Variants in EEA1 observed in about 807,000 individuals in gnomAD.
The protein encoded by EEA1 is early endosome antigen 1, 162kD.
A neutral mutation model predicts 209.2 loss-of-function variants in EEA1; 111 were observed. That is an observed-to-expected ratio of 0.53 (90% CI 0.45 to 0.62). EEA1 has a LOEUF of 0.62. Ranked by LOEUF, EEA1 falls within the 20% of genes least tolerant of loss-of-function variation. The pLI is 0.00. For synonymous variants in EEA1, 536 were observed against 540.6 expected (o/e 0.99, Z 0.12); for missense variants, 1,343 against 1,530.8 (o/e 0.88, Z 2.05).
rs1334489864 is a variant in EEA1 at position 92,802,611 on chromosome 12, T to C, written c.2463A>G (p.Gln821=). The change falls in exon 19 of 29, where the codon CAA becomes CAG. Residue 821 remains glutamine, a synonymous_variant. Coordinates refer to ENST00000322349, the MANE Select transcript of EEA1 (RefSeq NM_003566.4). ...ILKQDFETLS[Q]ETKIQHEELN... ...ATTCCTCATGCTGAATCTTTGTTTCTTGACTTAAAGTTTCAAAATCTTGTT... is the reference window on the plus strand; with the variant it reads ...ATTCCTCATGCTGAATCTTTGTTTCCTGACTTAAAGTTTCAAAATCTTGTT... The C allele has an allele frequency of 6.2e-7, 1 of 1,604,142 alleles. No homozygotes were observed. The highest frequency in any genetic ancestry group is 1.7e-5 in the Admixed American group (1 of 57,442).
intron 2 of EEA1, chr12:92,879,201 A>ATTT (rs34766702): frequency 0.012 from 2,776 of 233,732 alleles, 19 homozygotes; most frequent in East Asian, 0.027. Flanking sequence ...TGGATTCTGG[A>ATTT]TTTTTTTTTT....
At chr12:92,876,830 C>CAAAAAAAAAA (rs200862903) in intron 2 of EEA1, among the ~76,000 whole-genome samples, 1 of 108,326 alleles carries the variant, frequency 9.2e-6, no homozygotes, top group Non-Finnish European at 1.9e-5. Context: ...AGCTGATCAC[C>CAAAAAAAAAA]AAAAAAAAAA....
At chr12:92,803,714 T>C (rs1330368194) in intron 18 of EEA1, among the ~76,000 whole-genome samples, 1 of 152,086 alleles carries the variant, frequency 6.6e-6, no homozygotes, top group Admixed American at 6.5e-5. Context: ...TCCTAAAAAA[T>C]AGCTGGAAAA....
intron 14 of EEA1, among the ~76,000 whole-genome samples, chr12:92,818,836 A>G (rs1334483405): frequency 6.6e-6 from 1 of 152,186 alleles, no homozygotes; most frequent in Non-Finnish European, 1.5e-5. Flanking sequence ...CAAAATTATT[A>G]TTGGCTATAC....
chr12:92,869,100 C>T (rs1450410537), intron 2 of EEA1, among the ~76,000 whole-genome samples: 3 of 152,118 alleles, frequency 2.0e-5, no homozygotes, highest in Admixed American at 2.0e-4. Context: ...GAACAGATCG[C>T]ATGACCTTTA....
At chr12:92,777,123 C>G (rs1873688555) in intron 27 of EEA1, among the ~76,000 whole-genome samples, 181 bp from the exon 28 acceptor site, 1 of 151,990 alleles carries the variant, frequency 6.6e-6, no homozygotes, top group African/African-American at 2.4e-5. Flanking sequence ...ACTCATAAAT[C>G]TGAATGACAA....
rs58741191 is a variant in EEA1 at position 92,924,840 on chromosome 12, TAAAAAAAA to T, written c.24+4195_24+4202del. On this transcript the variant is annotated intron_variant, in intron 1 of 28. Coordinates refer to ENST00000322349, the MANE Select transcript of EEA1 (RefSeq NM_003566.4). ...AATCTCTTCTTTATTCCTAACATGC[TAAAAAAAA>T]AAAAAAAAAAAAAAAAAACTACTCA... Among the ~76,000 whole-genome samples the T allele has an allele frequency of 5.4e-5, 4 of 74,500 alleles. No individual in the cohort carries two copies. The East Asian group carries it at 2.2e-3, about 41-fold the overall frequency. The allele number at this position is 74,500 out of a possible 152,430, so 48.9% of individuals were successfully genotyped here.
chr12:92,876,438 T>C (rs1282890063), intron 2 of EEA1, among the ~76,000 whole-genome samples: 1 of 152,158 alleles, frequency 6.6e-6, no homozygotes, highest in African/African-American at 2.4e-5. Context: ...ATAAATACTT[T>C]TTAGTTTATC....
At chr12:92,889,731 TCTA>T (rs1414996991) in intron 2 of EEA1, among the ~76,000 whole-genome samples, 2 of 152,074 alleles carry the variant, frequency 1.3e-5, no homozygotes, top group Non-Finnish European at 2.9e-5. Flanking sequence ...AAACCCCGTC[TCTA>T]CTAAAAACAA....
intron 13 of EEA1, among the ~76,000 whole-genome samples, chr12:92,824,847 T>C (rs1190050765): frequency 2.6e-5 from 4 of 152,246 alleles, no homozygotes; most frequent in Non-Finnish European, 4.4e-5. Flanking sequence ...TTTTTGTCTG[T>C]TTTGTTCACT....
intron 1 of EEA1, among the ~76,000 whole-genome samples, chr12:92,895,982 T>C (rs1879864974): frequency 6.6e-6 from 1 of 152,026 alleles, no homozygotes; most frequent in Non-Finnish European, 1.5e-5. Context: ...TTTCTTTTTT[T>C]TTTTTTTCTT....
intron 1 of EEA1, among the ~76,000 whole-genome samples, chr12:92,917,053 A>G (rs1880794788): frequency 6.7e-6 from 1 of 148,574 alleles, no homozygotes; most frequent in Non-Finnish European, 1.5e-5. Flanking sequence ...AAAAAAGAAT[A>G]AAAAGAAATG....
At position 92,827,934 on chromosome 12, in the gene EEA1, T is replaced by C; in HGVS notation, c.1382A>G (p.Lys461Arg). 1.9e-6 allele frequency: 3 copies of C among 1,570,160 alleles called. No individual in the cohort carries two copies. Among genetic ancestry groups the C allele is most frequent in the Admixed American group, 1.9e-5 (1 of 51,904 alleles). Residue 461 changes from lysine (K) to arginine (R), a missense_variant, in exon 12 of 29, where the codon AAA becomes AGA. Transcript: ENST00000322349. ...TACCTGCTCTTCTAACCGAGAAAGT[T>C]TGAGTTGTAAATCAGCCACTTGTTG... is the stretch of plus-strand genomic sequence containing the variant. Reference protein sequence around the residue: ...KEQQVADLQLKLSRLEEQLKE... With the variant: ...KEQQVADLQLRLSRLEEQLKE...
At chr12:92,869,324 A>G (rs950608406) in intron 2 of EEA1, among the ~76,000 whole-genome samples, 12 of 152,208 alleles carry the variant, frequency 7.9e-5, no homozygotes, top group Non-Finnish European at 1.5e-4. Context: ...TAAGATTTAA[A>G]ACAATATATT....
chr12:92,812,670 C>T (rs1204118001), intron 16 of EEA1, among the ~76,000 whole-genome samples: 1 of 152,100 alleles, frequency 6.6e-6, no homozygotes, highest in East Asian at 1.9e-4. Context: ...AGGGATGGGG[C>T]AACAATTCAA....
chr12:92,815,722 A>G (rs376061330), intron 15 of EEA1, among the ~76,000 whole-genome samples: 7 of 152,136 alleles, frequency 4.6e-5, no homozygotes, highest in African/African-American at 9.6e-5. Flanking sequence ...TTTTTTTTTT[A>G]ATCAGAAGTC....
chr12:92,809,554 G>T (rs989556252), intron 17 of EEA1, among the ~76,000 whole-genome samples: 8 of 148,746 alleles, frequency 5.4e-5, no homozygotes, highest in African/African-American at 2.0e-4. Flanking sequence ...AATTAGCCAG[G>T]CGTGGTGGCC....
At chr12:92,788,396 C>T (rs577401105) in intron 21 of EEA1, among the ~76,000 whole-genome samples, 2 of 151,646 alleles carry the variant, frequency 1.3e-5, no homozygotes, top group East Asian at 3.9e-4. Context: ...TAAGGTGGAA[C>T]TAAGGGAAAC....
intron 3 of EEA1, among the ~76,000 whole-genome samples, chr12:92,859,664 C>T (rs1473332727): frequency 6.6e-6 from 1 of 152,150 alleles, no homozygotes; most frequent in Admixed American, 6.5e-5. Context: ...GTAAATAATG[C>T]TTTGAAATTG....
Sources: allele counts gnomAD v4.1 joint callset (sites outside exome capture counted in the v4.1 genomes callset), GRCh38; gene constraint gnomAD v4.1.1; transcripts MANE v1.5; gene names NCBI Gene and HGNC (gene_info 2026-07-23, HGNC 2026-07-21).